ARK2C: variants seen among roughly 807,000 people sequenced by gnomAD.
ARK2C encodes E3 ubiquitin-protein ligase ARK2C.
the ARK2C span, among the ~76,000 whole-genome samples, chr18:46,412,320 C>T: frequency 5.9e-5 from 9 of 152,250 alleles, no homozygotes; most frequent in Non-Finnish European, 1.0e-4. Flanking sequence ...GAAGCAGACC[C>T]ACAGCCTTGG....
At chr18:46,336,233 T>A in the ARK2C span, 1 of 985,304 alleles carries the variant, frequency 1.0e-6, no homozygotes, top group Non-Finnish European at 1.2e-6. Context: ...CCTGAAAGTA[T>A]AATTATCCTG....
the ARK2C span, among the ~76,000 whole-genome samples, chr18:46,440,098 G>A: frequency 9.9e-5 from 15 of 152,060 alleles, no homozygotes; most frequent in African/African-American, 3.6e-4. Flanking sequence ...AAAGTGCTGG[G>A]ATTACAGGCG....
the ARK2C span, among the ~76,000 whole-genome samples, chr18:46,381,206 C>T: frequency 6.6e-6 from 1 of 152,260 alleles, no homozygotes; most frequent in East Asian, 1.9e-4. Flanking sequence ...TAAGGCCAGG[C>T]ACTGCCTTTG....
the ARK2C span, among the ~76,000 whole-genome samples, chr18:46,429,386 C>CT: frequency 6.6e-6 from 1 of 152,224 alleles, no homozygotes; most frequent in Non-Finnish European, 1.5e-5. Flanking sequence ...CCGCAGTGCG[C>CT]TTTTAACTCT....
At chr18:46,353,904 A>C in the ARK2C span, among the ~76,000 whole-genome samples, 1 of 152,048 alleles carries the variant, frequency 6.6e-6, no homozygotes. Context: ...CCTCCCATTC[A>C]CCAAGACCCA....
chr18:46,407,163 T>G, the ARK2C span, among the ~76,000 whole-genome samples: 2 of 152,198 alleles, frequency 1.3e-5, no homozygotes, highest in African/African-American at 4.8e-5. Context: ...TGAGATCTAT[T>G]TGAGGCACTG....
the ARK2C span, among the ~76,000 whole-genome samples, chr18:46,441,095 C>G: frequency 2.6e-5 from 4 of 152,310 alleles, no homozygotes; most frequent in Admixed American, 6.5e-5. Flanking sequence ...AAGTGATCCT[C>G]CTGCCTCAGC....
the ARK2C span, among the ~76,000 whole-genome samples, chr18:46,453,906 A>G: frequency 3.3e-5 from 5 of 151,992 alleles, 1 homozygote; most frequent in East Asian, 9.7e-4. Context: ...TGAGCCCAGG[A>G]GTTTGAGACC....
the ARK2C span, among the ~76,000 whole-genome samples, chr18:46,440,596 G>T: frequency 1.3e-5 from 2 of 152,184 alleles, no homozygotes; most frequent in Non-Finnish European, 2.9e-5. Context: ...GAGAGATAAT[G>T]ATTCTGCTTT....
chr18:46,391,910 A>G, the ARK2C span, among the ~76,000 whole-genome samples: 2 of 151,602 alleles, frequency 1.3e-5, no homozygotes, highest in African/African-American at 4.9e-5. Context: ...ACACACCAAC[A>G]CACACTTATA....
the ARK2C span, among the ~76,000 whole-genome samples, chr18:46,363,074 T>A: frequency 1.3e-5 from 2 of 152,218 alleles, no homozygotes; most frequent in African/African-American, 2.4e-5. Flanking sequence ...CCTGATTTGT[T>A]CACTGCTATA....
At chr18:46,353,085 A>G in the ARK2C span, among the ~76,000 whole-genome samples, 4 of 152,224 alleles carry the variant, frequency 2.6e-5, no homozygotes, top group South Asian at 2.1e-4. Context: ...GCCTGTGGCG[A>G]TTGGATGTGA....
the ARK2C span, among the ~76,000 whole-genome samples, chr18:46,371,166 C>G: frequency 1.3e-5 from 2 of 152,136 alleles, no homozygotes; most frequent in Middle Eastern, 3.2e-3. Flanking sequence ...ATCATGAGAA[C>G]AGTACAGGGG....
At chr18:46,347,205 T>C in the ARK2C span, among the ~76,000 whole-genome samples, 1 of 152,202 alleles carries the variant, frequency 6.6e-6, no homozygotes, top group Non-Finnish European at 1.5e-5. Flanking sequence ...GCCTCTCCCA[T>C]GTAGGCCCAG....
chr18:46,336,179 T>C, the ARK2C span: 4 of 985,348 alleles, frequency 4.1e-6, no homozygotes, highest in Non-Finnish European at 4.8e-6. Flanking sequence ...GTGTGGAACA[T>C]TACACTAGGC....
At chr18:46,437,778 C>G in the ARK2C span, among the ~76,000 whole-genome samples, 1 of 152,206 alleles carries the variant, frequency 6.6e-6, no homozygotes, top group Non-Finnish European at 1.5e-5. Flanking sequence ...TTCTTGGACT[C>G]AGTCCTGGCT....
the ARK2C span, among the ~76,000 whole-genome samples, chr18:46,436,907 C>T: frequency 1.1e-3 from 166 of 152,324 alleles, no homozygotes; most frequent in Non-Finnish European, 1.9e-3. Flanking sequence ...TTGCATATGG[C>T]TGAGTGATTG....
At chr18:46,374,102 A>G in the ARK2C span, among the ~76,000 whole-genome samples, 1 of 152,120 alleles carries the variant, frequency 6.6e-6, no homozygotes, top group Non-Finnish European at 1.5e-5. Flanking sequence ...CCTCCCCACC[A>G]GGGGTCCCCT....
the ARK2C span, among the ~76,000 whole-genome samples, chr18:46,420,006 C>T: frequency 6.6e-6 from 1 of 152,106 alleles, no homozygotes; most frequent in East Asian, 1.9e-4. Flanking sequence ...AGGGCTGCCC[C>T]ATGAGCAGTG....
Sources: gnomAD v4.1 joint callset for allele counts (sites outside exome capture counted in the v4.1 genomes callset) on GRCh38, gnomAD v4.1.1 for gene constraint, MANE v1.5 for transcripts, NCBI Gene and HGNC (gene_info 2026-07-23, HGNC 2026-07-21) for gene names.